The following DNAAF5 variants were observed in gnomAD, a reference collection of about 807,000 sequenced individuals.
DNAAF5 encodes the protein dynein axonemal assembly factor 5.
Under a neutral mutation model 75.8 loss-of-function variants are expected in DNAAF5, and 64 were observed. The observed-to-expected ratio is 0.84, with a 90% CI of 0.69 to 1.04. The LOEUF (loss-of-function observed/expected upper bound fraction) is 1.04. Among genes scored for constraint, DNAAF5 ranks in the 50% least tolerant of loss-of-function variants. The pLI, the probability that DNAAF5 is intolerant of heterozygous loss-of-function variation, is 0.00. For missense variants in DNAAF5, 1,269 were observed against 1,178.5 expected (o/e 1.08, Z -1.12); for synonymous variants, 657 against 557.2 (o/e 1.18, Z -2.52).
At chr7:771,525 C>T (rs1232795416) in intron 9 of DNAAF5, 1 of 152,288 alleles carries the variant, frequency 6.6e-6, no homozygotes, top group African/African-American at 2.4e-5. Context: ...GGCGCTCAGA[C>T]TTTTCTCCTT....
chr7:753,517 G>A (rs1347469445), intron 4 of DNAAF5, among the ~76,000 whole-genome samples: 6 of 152,248 alleles, frequency 3.9e-5, no homozygotes, highest in Admixed American at 2.0e-4. Context: ...CCACCATGCC[G>A]ATGGCTTCGC....
chr7:764,026 C>T (rs1407613892), intron 8 of DNAAF5, 52 bp downstream of exon 8: 3 of 1,581,458 alleles, frequency 1.9e-6, no homozygotes, highest in Admixed American at 1.7e-5. Context: ...TCAGGCTACA[C>T]ACCTGCTCCC....
At chr7:772,912 T>A (rs1169028173) in intron 9 of DNAAF5, 3 of 151,464 alleles carry the variant, frequency 2.0e-5, no homozygotes, top group Admixed American at 2.0e-4. Flanking sequence ...CCAGAAGTTC[T>A]GATGGAGCTT....
At chr7:779,670 C>T (rs1441674271) in intron 11 of DNAAF5, among the ~76,000 whole-genome samples, 1 of 152,148 alleles carries the variant, frequency 6.6e-6, no homozygotes, top group Admixed American at 6.5e-5. Context: ...GGTGAGCACA[C>T]AGCTACAGCT....
intron 9 of DNAAF5, 192 bp downstream of exon 9, chr7:770,810 C>A: frequency 1.8e-6 from 1 of 555,688 alleles, no homozygotes; most frequent in Non-Finnish European, 3.2e-6. Flanking sequence ...CCTCCCTCCC[C>A]CACGCCGAGT....
chr7:739,827 G>C (rs574537709), intron 2 of DNAAF5, among the ~76,000 whole-genome samples: 1 of 152,174 alleles, frequency 6.6e-6, no homozygotes, highest in Admixed American at 6.5e-5. Flanking sequence ...TGTTGGAGCC[G>C]GGGCGGAGCA....
Position 785,564 on chromosome 7 carries a change from G to C in DNAAF5, c.2479G>C (p.Glu827Gln), listed in dbSNP as rs1304156174. 2 of 1,613,520 alleles carry C rather than the reference G, an allele frequency of 1.2e-6. No individual in the cohort carries two copies. Among genetic ancestry groups the C allele is most frequent in the Non-Finnish European group, 1.7e-6 (2 of 1,180,016 alleles). Residue 827 changes from glutamate (E) to glutamine (Q), a missense_variant, in exon 13 of 13, where the codon GAG becomes CAG. By Grantham distance (29) the Glu-to-Gln change is conservative (BLOSUM62 2). Coordinates refer to ENST00000297440, the MANE Select transcript of DNAAF5 (RefSeq NM_017802.4). ...GCTGTTCCCAGATCTCCTGGTGAGG[G>C]AGACGGAGGCCGTCATCCACAAGCA... The part of the protein sequence containing the change: ...SGLFPDLLVR[E>Q]TEAVIHKHRS...
At chr7:763,996 C>G in intron 8 of DNAAF5, 22 bp downstream of exon 8, 1 of 1,598,842 alleles carries the variant, frequency 6.3e-7, no homozygotes, top group Non-Finnish European at 8.5e-7. Context: ...CGACAGCTGG[C>G]GTGCCGTGCC....
At chr7:767,364 C>T (rs528229753) in intron 8 of DNAAF5, among the ~76,000 whole-genome samples, 14 of 152,086 alleles carry the variant, frequency 9.2e-5, no homozygotes, top group East Asian at 1.9e-4. Context: ...TGGGACGCTG[C>T]GCATCTGGAA....
chr7:756,119 T>C (rs113476713), intron 5 of DNAAF5, among the ~76,000 whole-genome samples: 363 of 27,240 alleles, frequency 0.013, 19 homozygotes, highest in African/African-American at 0.043. Context: ...TGGAATCCCA[T>C]GGTGCAGAGG....
intron 12 of DNAAF5, among the ~76,000 whole-genome samples, chr7:782,992 C>T (rs1267951337): frequency 6.6e-6 from 1 of 152,270 alleles, no homozygotes. Flanking sequence ...CAGAAACTCT[C>T]CTGCGTGGGC....
chr7:753,955 C>T (rs1222295694), intron 4 of DNAAF5, among the ~76,000 whole-genome samples: 3 of 145,154 alleles, frequency 2.1e-5, no homozygotes, highest in African/African-American at 7.8e-5. Flanking sequence ...GCTTCGCAGG[C>T]GTGTCTCTCT....
chr7:734,962 TTCA>T (rs1244502789), intron 2 of DNAAF5, among the ~76,000 whole-genome samples: 1 of 151,972 alleles, frequency 6.6e-6, no homozygotes, highest in Non-Finnish European at 1.5e-5. Flanking sequence ...AGTGTTGTTC[TTCA>T]TGGTATAGCT....
At chr7:770,138 G>C (rs1276731826) in intron 8 of DNAAF5, among the ~76,000 whole-genome samples, 1 of 151,910 alleles carries the variant, frequency 6.6e-6, no homozygotes, top group African/African-American at 2.4e-5. Context: ...TTTTAGTGGA[G>C]ATGGGGTTTC....
Position 775,140 on chromosome 7 carries a change from G to A in DNAAF5, c.2217G>A (p.Glu739=), listed in dbSNP as rs900001039. 1.2e-6 allele frequency: 2 copies of A among 1,614,020 alleles called. No homozygotes were observed. Among genetic ancestry groups the A allele is most frequent in the African/African-American group, 2.7e-5 (2 of 74,908 alleles). The part of the protein sequence containing the change: ...LKTSGGMTDP[E]KLIRIYPELL... Reference sequence around the variant, plus strand: ...CCTCGGGCGGCATGACGGATCCAGAGAAACTCATCAGGATTTATCCTGGTA... The same window carrying A: ...CCTCGGGCGGCATGACGGATCCAGAAAAACTCATCAGGATTTATCCTGGTA... The change falls in exon 11 of 13, where the codon GAG becomes GAA. Residue 739 remains glutamate (E), a synonymous_variant. Coordinates refer to ENST00000297440, the MANE Select transcript of DNAAF5 (RefSeq NM_017802.4).
At chr7:735,860 A>T (rs1316186433) in intron 2 of DNAAF5, among the ~76,000 whole-genome samples, 1 of 151,864 alleles carries the variant, frequency 6.6e-6, no homozygotes, top group Admixed American at 6.6e-5. Flanking sequence ...TTTACGATGC[A>T]GTGTTAGGTT....
chr7:753,746 CTGA>C (rs1782385149), intron 4 of DNAAF5, among the ~76,000 whole-genome samples: 1 of 135,428 alleles, frequency 7.4e-6, no homozygotes. Flanking sequence ...GCGTGTCTCT[CTGA>C]TCATATGGCG....
chr7:737,484 G>A (rs192526378), intron 2 of DNAAF5, among the ~76,000 whole-genome samples: 101 of 152,268 alleles, frequency 6.6e-4, no homozygotes, highest in African/African-American at 2.4e-3. Flanking sequence ...TTACAACATT[G>A]TGTTGTTCTG....
chr7:758,126 C>T (rs1782545008), intron 6 of DNAAF5, among the ~76,000 whole-genome samples: 1 of 152,244 alleles, frequency 6.6e-6, no homozygotes, highest in Non-Finnish European at 1.5e-5. Context: ...TTTCCCAAAA[C>T]CCGTTTTTAA....
Sources: gnomAD v4.1 joint callset for allele counts (sites outside exome capture counted in the v4.1 genomes callset) on GRCh38, gnomAD v4.1.1 for gene constraint, MANE v1.5 for transcripts, NCBI Gene and HGNC (gene_info 2026-07-23, HGNC 2026-07-21) for gene names.